TENM2: variants seen among roughly 807,000 people sequenced by gnomAD.
The protein encoded by TENM2 is teneurin transmembrane protein 2.
In TENM2, 52 loss-of-function variants were observed where a neutral mutation model predicts 245.2. The observed-to-expected ratio is 0.21, with a 90% CI of 0.17 to 0.27. The LOEUF is 0.27. Among genes scored for constraint, TENM2 ranks in the 10% least tolerant of loss-of-function variants. The probability of loss-of-function intolerance (pLI) is 1.00; values close to 1 mark genes in which losing one functional copy is unlikely to be tolerated. For missense variants in TENM2, 3,046 were observed against 3,666.8 expected, an observed-to-expected ratio of 0.83 and a Z score of 4.37; for synonymous variants, 1,363 against 1,438.9, an observed-to-expected ratio of 0.95 and a Z score of 1.19.
At chr5:168,053,701 C>G (rs1789304626) in intron 6 of TENM2, among the ~76,000 whole-genome samples, 1 of 152,094 alleles carries the variant, frequency 6.6e-6, no homozygotes, top group Admixed American at 6.6e-5. Context: ...AAATACTACA[C>G]CATTTTATAT....
chr5:167,069,358 T>C, the TENM2 span, among the ~76,000 whole-genome samples: 1 of 152,198 alleles, frequency 6.6e-6, no homozygotes, highest in African/African-American at 2.4e-5. Flanking sequence ...GGTAGAAAAG[T>C]TCATCTAAAT....
chr5:168,150,876 T>C (rs1756587006), intron 12 of TENM2, among the ~76,000 whole-genome samples: 1 of 152,202 alleles, frequency 6.6e-6, no homozygotes, highest in South Asian at 2.1e-4. Context: ...AATTAACTTC[T>C]CTGAGCTTCA....
chr5:167,851,577 G>T (rs139609762), intron 2 of TENM2, among the ~76,000 whole-genome samples: 2 of 152,288 alleles, frequency 1.3e-5, no homozygotes, highest in East Asian at 3.9e-4. Context: ...CAATACCAGA[G>T]CCCGAGGGTA....
intron 3 of TENM2, among the ~76,000 whole-genome samples, chr5:167,910,653 C>A (rs1043513993): frequency 3.3e-5 from 5 of 152,148 alleles, no homozygotes; most frequent in Non-Finnish European, 5.9e-5. Context: ...AAAAAACTAA[C>A]CTTTATACTA....
the TENM2 span, among the ~76,000 whole-genome samples, chr5:167,158,851 CCTTCCTTCCTT>C: frequency 2.3e-4 from 17 of 72,522 alleles, no homozygotes; most frequent in African/African-American, 7.9e-4. Flanking sequence ...AGCAGCCCTT[CCTTCCTTCCTT>C]CCTTCCTTCC....
chr5:167,040,002 T>C, the TENM2 span, among the ~76,000 whole-genome samples: 1 of 152,202 alleles, frequency 6.6e-6, no homozygotes. Flanking sequence ...TAGGCTTGTA[T>C]CTGTCTGCAT....
chr5:167,129,866 G>A, the TENM2 span, among the ~76,000 whole-genome samples: 10 of 152,118 alleles, frequency 6.6e-5, no homozygotes, highest in South Asian at 2.1e-4. Context: ...ATTATGCATC[G>A]TCTAATATTC....
At chr5:167,740,436 G>A (rs1761102287) in intron 2 of TENM2, among the ~76,000 whole-genome samples, 1 of 152,182 alleles carries the variant, frequency 6.6e-6, no homozygotes, top group Non-Finnish European at 1.5e-5. Flanking sequence ...GGATTGTGCA[G>A]TCAATTGACA....
the TENM2 span, among the ~76,000 whole-genome samples, chr5:167,185,956 T>C: frequency 7.2e-5 from 11 of 152,144 alleles, no homozygotes; most frequent in African/African-American, 2.7e-4. Context: ...TCGGAATATC[T>C]ACAGATTCCT....
At chr5:168,200,881 T>C (rs1416620512) in intron 17 of TENM2, among the ~76,000 whole-genome samples, 1 of 152,238 alleles carries the variant, frequency 6.6e-6, no homozygotes, top group East Asian at 1.9e-4. Flanking sequence ...GAATCCTGTG[T>C]TCTCTTCACC....
chr5:167,290,595 C>T (rs1021631699), intron 1 of TENM2, among the ~76,000 whole-genome samples: 2 of 152,076 alleles, frequency 1.3e-5, no homozygotes, highest in African/African-American at 4.8e-5. Flanking sequence ...TTTTTTCCAG[C>T]TTGTTCATAG....
intron 7 of TENM2, among the ~76,000 whole-genome samples, chr5:168,084,527 G>A (rs1255307555): frequency 6.6e-6 from 1 of 152,188 alleles, no homozygotes; most frequent in Non-Finnish European, 1.5e-5. Flanking sequence ...AGTCAGGGAA[G>A]CCCTCTCTTA....
At chr5:167,764,325 GCT>G (rs1250884474) in intron 2 of TENM2, among the ~76,000 whole-genome samples, 3 of 152,016 alleles carry the variant, frequency 2.0e-5, no homozygotes, top group Non-Finnish European at 4.4e-5. Context: ...CCTCATCCCT[GCT>G]CTGAGAACAC....
chr5:167,360,420 T>C (rs1305987648), intron 1 of TENM2, among the ~76,000 whole-genome samples: 1 of 152,182 alleles, frequency 6.6e-6, no homozygotes, highest in Non-Finnish European at 1.5e-5. Flanking sequence ...ATGGATGTAC[T>C]AGTGAATAAG....
chr5:167,407,184 T>C (rs1054230983), intron 2 of TENM2, among the ~76,000 whole-genome samples: 3 of 152,164 alleles, frequency 2.0e-5, no homozygotes, highest in Admixed American at 2.0e-4. Context: ...TGTTAGATTA[T>C]TACTGTGGTT....
At chr5:168,262,506 C>G in exon 29 of TENM2, 3 of 1,556,692 alleles carry the variant, frequency 1.9e-6, no homozygotes, top group Non-Finnish European at 2.6e-6. Flanking sequence ...CAGTACTCCA[C>G]GCTGCTGCTC....
intron 2 of TENM2, among the ~76,000 whole-genome samples, chr5:167,795,189 A>T (rs1211886860): frequency 6.6e-6 from 1 of 152,082 alleles, no homozygotes; most frequent in Non-Finnish European, 1.5e-5. Flanking sequence ...ACCCTTAGGG[A>T]GGTGTTTTTG....
chr5:167,557,737 C>CT lies in TENM2; in HGVS notation c.502+182266dup, dbSNP rs137887017. Among the ~76,000 whole-genome samples the CT allele has an allele frequency of 0.024, 3,668 of 152,198 alleles. 307 individuals carry two copies. In the East Asian group the frequency reaches 0.28, roughly 12 times the overall value. Reference sequence around the variant, plus strand: ...CTAGAGACATTCTTGATTGCCATGGCTTGCAAGATGCTACTGGCATCTCGT... The same window carrying CT: ...CTAGAGACATTCTTGATTGCCATGGCTTTGCAAGATGCTACTGGCATCTCGT... On this transcript the variant is annotated intron_variant, in intron 2 of 28. Transcript: ENST00000518659.
intron 2 of TENM2, among the ~76,000 whole-genome samples, chr5:167,836,346 C>A (rs1338063199): frequency 1.3e-5 from 2 of 152,140 alleles, no homozygotes; most frequent in African/African-American, 4.8e-5. Context: ...GGGTTTCCGA[C>A]CAGGCCCTAC....
Sources: gnomAD v4.1 joint callset for allele counts (sites outside exome capture counted in the v4.1 genomes callset) on GRCh38, gnomAD v4.1.1 for gene constraint, MANE v1.5 for transcripts, NCBI Gene and HGNC (gene_info 2026-07-23, HGNC 2026-07-21) for gene names.